Variants in PWWP2A observed in about 807,000 individuals in gnomAD.
PWWP2A encodes the protein PWWP domain-containing protein 2A.
Under a neutral mutation model 48.5 loss-of-function variants are expected in PWWP2A, and 18 were observed. The observed-to-expected ratio is 0.37, with a 90% CI of 0.26 to 0.55. PWWP2A has a LOEUF of 0.55. PWWP2A is among the 20% of genes least tolerant of loss of function. The pLI is 0.81. For missense variants in PWWP2A, 867 were observed against 976.4 expected (o/e 0.89, Z 1.49); for synonymous variants, 396 against 387.7 (o/e 1.02, Z -0.25).
At chr5:160,057,244 A>G (rs1757569360), downstream of PWWP2A, among the ~76,000 whole-genome samples, 1 of 152,146 alleles carries the variant, frequency 6.6e-6, no homozygotes, top group South Asian at 2.1e-4. The surrounding 1 kb of genome is among the most constrained non-coding windows in gnomAD (Gnocchi z 4.4). Context: ...CAGCCCTCGA[A>G]TTTACCCAAG....
intron 1 of PWWP2A, among the ~76,000 whole-genome samples, chr5:160,107,138 C>T (rs1197530401): frequency 3.9e-5 from 6 of 151,914 alleles, no homozygotes; most frequent in Non-Finnish European, 8.8e-5. Flanking sequence ...TAACCGGGAA[C>T]CTTTAAAACA....
the PWWP2A span, among the ~76,000 whole-genome samples, chr5:160,052,578 T>G: frequency 1.8e-5 from 2 of 109,278 alleles, no homozygotes; most frequent in African/African-American, 3.7e-5. Context: ...AAAAAAACTG[T>G]TTGCATTTAG....
chr5:160,115,789 C>T (rs142901335), intron 1 of PWWP2A, among the ~76,000 whole-genome samples: 169 of 151,856 alleles, frequency 1.1e-3, no homozygotes, highest in African/African-American at 3.9e-3. Flanking sequence ...CAGTGAGCTA[C>T]GATCCCAGCA....
intron 2 of PWWP2A, among the ~76,000 whole-genome samples, chr5:160,083,344 C>G (rs1029197260): frequency 6.6e-6 from 1 of 152,192 alleles, no homozygotes; most frequent in South Asian, 2.1e-4. Context: ...TGACTATCCT[C>G]TGGAAAATAT....
At chr5:160,058,315 G>A (rs1342547261), downstream of PWWP2A, among the ~76,000 whole-genome samples, 5 of 151,822 alleles carry the variant, frequency 3.3e-5, no homozygotes, top group Admixed American at 2.0e-4. Context: ...CCCCCTCAAA[G>A]TCATCCATGA....
chr5:160,115,239 CA>C (rs1758004696), intron 1 of PWWP2A, among the ~76,000 whole-genome samples: 1 of 149,758 alleles, frequency 6.7e-6, no homozygotes, highest in African/African-American at 2.5e-5. Flanking sequence ...TGTCTGTGCT[CA>C]ATCTCAAGGT....
At chr5:160,070,599 A>G (rs1276990583) in intron 2 of PWWP2A, among the ~76,000 whole-genome samples, 1 of 152,160 alleles carries the variant, frequency 6.6e-6, no homozygotes, top group Non-Finnish European at 1.5e-5. Context: ...TTCCCTGCAA[A>G]ACACACATCA....
At chr5:160,083,031 T>G (rs1023386331) in intron 2 of PWWP2A, among the ~76,000 whole-genome samples, 1 of 152,180 alleles carries the variant, frequency 6.6e-6, no homozygotes, top group Non-Finnish European at 1.5e-5. Context: ...TTAAGAGCAT[T>G]AGACATTATC....
At chr5:160,083,193 C>A (rs1285821722) in intron 2 of PWWP2A, among the ~76,000 whole-genome samples, 1 of 152,174 alleles carries the variant, frequency 6.6e-6, no homozygotes, top group Non-Finnish European at 1.5e-5. Flanking sequence ...TTTAGACAAA[C>A]TGCATGTAAT....
At chr5:160,082,025 A>T (rs1386695038) in intron 2 of PWWP2A, among the ~76,000 whole-genome samples, 1 of 152,240 alleles carries the variant, frequency 6.6e-6, no homozygotes, top group Non-Finnish European at 1.5e-5. Context: ...TTAACTTGGG[A>T]AAATAATTTT....
downstream of PWWP2A, among the ~76,000 whole-genome samples, chr5:160,075,235 G>A (rs1753840676): frequency 6.6e-6 from 1 of 152,212 alleles, no homozygotes; most frequent in African/African-American, 2.4e-5. Context: ...TATTAGCAGA[G>A]CCAGATTCCT....
At chr5:160,046,907 G>A in the PWWP2A span, among the ~76,000 whole-genome samples, 55 of 152,096 alleles carry the variant, frequency 3.6e-4, no homozygotes, top group Admixed American at 3.5e-3. Context: ...AGCTACTCAG[G>A]AGGCTGAGGC....
downstream of PWWP2A, chr5:160,090,532 T>C: frequency 1.0e-6 from 1 of 984,092 alleles, no homozygotes; most frequent in East Asian, 1.1e-4. Context: ...TATGTTCTAC[T>C]CAAGTGAAAC....
downstream of PWWP2A, among the ~76,000 whole-genome samples, chr5:160,059,062 C>T (rs942765342): frequency 2.0e-5 from 3 of 152,184 alleles, no homozygotes; most frequent in African/African-American, 7.2e-5. Flanking sequence ...TGAGCACTGG[C>T]CTCAACTTAA....
intron 3 of PWWP2A, among the ~76,000 whole-genome samples, chr5:160,080,312 C>T (rs1038521793): frequency 2.0e-5 from 3 of 151,994 alleles, no homozygotes; most frequent in Non-Finnish European, 4.4e-5. Flanking sequence ...AGATAAAAGA[C>T]ATCCAGTATT....
chr5:160,117,369 T>G (rs1484760519), intron 1 of PWWP2A, among the ~76,000 whole-genome samples: 1 of 152,074 alleles, frequency 6.6e-6, no homozygotes, highest in Non-Finnish European at 1.5e-5. Flanking sequence ...AAAAAGATAC[T>G]TGAGGCCGGG....
downstream of PWWP2A, among the ~76,000 whole-genome samples, chr5:160,072,945 A>G (rs1038741294): frequency 7.5e-6 from 1 of 132,650 alleles, no homozygotes; most frequent in Non-Finnish European, 1.6e-5. Context: ...CGGAAGTTGC[A>G]GTGTGCCGAG....
chr5:160,109,785 A>ATATATATATATATATAAAATAATATAAT (rs1757327452), intron 1 of PWWP2A, among the ~76,000 whole-genome samples: 2 of 112,386 alleles, frequency 1.8e-5, no homozygotes, highest in Non-Finnish European at 3.6e-5. Context: ...ATATATATAT[A>ATATATATATATATATAAAATAATATAAT]TATATATATA....
chr5:160,105,141 G>C (rs1333734972), intron 1 of PWWP2A, among the ~76,000 whole-genome samples: 1 of 150,530 alleles, frequency 6.6e-6, no homozygotes, highest in Non-Finnish European at 1.5e-5. Context: ...AGAAGGCTGA[G>C]GCAGGAGGAT....
Sources: gnomAD v4.1 joint callset for allele counts (sites outside exome capture counted in the v4.1 genomes callset) on GRCh38, gnomAD v4.1.1 for gene constraint, Gnocchi (gnomAD v3.1) non-coding constraint, MANE v1.5 for transcripts, NCBI Gene and HGNC (gene_info 2026-07-23, HGNC 2026-07-21) for gene names.